Variants in TRIM37 observed in about 807,000 individuals in gnomAD.
TRIM37 encodes E3 ubiquitin-protein ligase TRIM37.
Under a neutral mutation model 129.8 loss-of-function variants are expected in TRIM37, and 80 were observed. The ratio of observed to expected loss-of-function variants is 0.62; its 90% CI spans 0.51 to 0.74. The LOEUF (loss-of-function observed/expected upper bound fraction) is 0.74. Among genes scored for constraint, TRIM37 ranks in the 30% least tolerant of loss-of-function variants. The pLI is 0.00. For missense variants in TRIM37, 1,054 were observed against 1,176.5 expected, an observed-to-expected ratio of 0.90 and a Z score of 1.52; for synonymous variants, 389 against 387.1, an observed-to-expected ratio of 1.00 and a Z score of -0.06.
At chr17:59,011,378 G>A (rs964166566) in intron 22 of TRIM37, among the ~76,000 whole-genome samples, 4 of 152,130 alleles carry the variant, frequency 2.6e-5, no homozygotes, top group Admixed American at 2.6e-4. Context: ...TTCTTTAACT[G>A]AGAAACCTGA....
intron 9 of TRIM37, among the ~76,000 whole-genome samples, chr17:59,065,406 A>G (rs956360886): frequency 6.6e-6 from 1 of 152,208 alleles, no homozygotes; most frequent in African/African-American, 2.4e-5. Flanking sequence ...CTAAGGGGCA[A>G]CTGTGATGGA....
At chr17:59,090,388 C>A (rs551024712) in intron 3 of TRIM37, among the ~76,000 whole-genome samples, 2 of 152,008 alleles carry the variant, frequency 1.3e-5, no homozygotes, top group African/African-American at 4.8e-5. Flanking sequence ...GAATCACATA[C>A]GCATATATAT....
At chr17:59,052,903 C>T (rs967593077) in intron 13 of TRIM37, among the ~76,000 whole-genome samples, 3 of 151,974 alleles carry the variant, frequency 2.0e-5, no homozygotes, top group African/African-American at 7.3e-5. Context: ...GGCAGTGAGC[C>T]GAGATCGCAC....
At chr17:59,012,248 C>G (rs1373781064) in intron 22 of TRIM37, 80 bp downstream of exon 22, 27 of 921,538 alleles carry the variant, frequency 2.9e-5, no homozygotes, top group Non-Finnish European at 3.7e-5. Context: ...ACCACCACCA[C>G]CACCACCACC....
At chr17:59,044,458 A>T (rs949361633) in intron 16 of TRIM37, among the ~76,000 whole-genome samples, 2 of 152,150 alleles carry the variant, frequency 1.3e-5, no homozygotes, top group African/African-American at 4.8e-5. Context: ...GCTACTCAGG[A>T]GGCTGAGGCA....
At chr17:59,067,940 C>T (rs753354762) in intron 9 of TRIM37, among the ~76,000 whole-genome samples, 5 of 152,196 alleles carry the variant, frequency 3.3e-5, no homozygotes, top group African/African-American at 4.8e-5. Flanking sequence ...ACCTTTTCTT[C>T]TCCATTGTGG....
chr17:59,082,020 A>G (rs1437407482), intron 5 of TRIM37, among the ~76,000 whole-genome samples: 3 of 150,998 alleles, frequency 2.0e-5, no homozygotes, highest in African/African-American at 7.3e-5. Flanking sequence ...CTGTAATCCT[A>G]GCACTGTGGG....
chr17:59,041,945 C>A, intron 16 of TRIM37, 47 bp from the exon 17 acceptor site: 1 of 1,421,676 alleles, frequency 7.0e-7, no homozygotes. Context: ...ATACAATAAA[C>A]GTTGTTTTTC....
chr17:59,048,347 C>T (rs79345617), intron 15 of TRIM37, among the ~76,000 whole-genome samples: 5,359 of 152,224 alleles, frequency 0.035, 102 homozygotes, highest in Non-Finnish European at 0.049. Context: ...TGCATTCTCT[C>T]GACCCACTGG....
At chr17:59,047,163 G>GA (rs776978529) in intron 16 of TRIM37, among the ~76,000 whole-genome samples, 34 of 137,242 alleles carry the variant, frequency 2.5e-4, no homozygotes, top group South Asian at 4.6e-4. Context: ...AAAAAAAAAG[G>GA]AAAAAAAAAA....
chr17:59,071,433 G>C (rs1243930934), intron 8 of TRIM37, among the ~76,000 whole-genome samples: 1 of 151,832 alleles, frequency 6.6e-6, no homozygotes. Context: ...TTACAGGTGG[G>C]TGCCACCATA....
chr17:58,978,087 T>C (rs1476404757), downstream of TRIM37, among the ~76,000 whole-genome samples: 2 of 152,296 alleles, frequency 1.3e-5, no homozygotes, highest in African/African-American at 4.8e-5. Flanking sequence ...AATGAATATA[T>C]AGTCAGATTA....
At chr17:59,092,347 C>A (rs975732823) in intron 2 of TRIM37, among the ~76,000 whole-genome samples, 8 of 150,280 alleles carry the variant, frequency 5.3e-5, no homozygotes, top group African/African-American at 2.0e-4. Flanking sequence ...TGCAGTGAGC[C>A]GAGATCCTGC....
intron 12 of TRIM37, 64 bp from the exon 13 acceptor site, chr17:59,057,118 C>CTA: frequency 7.0e-7 from 1 of 1,435,784 alleles, no homozygotes; most frequent in Admixed American, 1.7e-5. Context: ...ACAAACTCAT[C>CTA]TAAACATTAA....
chr17:59,047,879 C>A, intron 15 of TRIM37, 60 bp from the exon 16 acceptor site: 1 of 1,585,950 alleles, frequency 6.3e-7, no homozygotes, highest in East Asian at 2.2e-5. Context: ...AGTTGATCAC[C>A]CCATCCAGCC....
At chr17:58,994,959 G>C (rs1380596181), downstream of TRIM37, among the ~76,000 whole-genome samples, 1 of 152,060 alleles carries the variant, frequency 6.6e-6, no homozygotes, top group Admixed American at 6.6e-5. Context: ...ATGTTGGTCA[G>C]GTTGGTCTCG....
At chr17:59,016,804 G>T (rs2036000467) in intron 20 of TRIM37, among the ~76,000 whole-genome samples, 1 of 151,754 alleles carries the variant, frequency 6.6e-6, no homozygotes, top group Non-Finnish European at 1.5e-5. Flanking sequence ...CAAAAATAAA[G>T]AATAAATAAA....
chr17:59,027,148 T>C (rs895199619), intron 19 of TRIM37, among the ~76,000 whole-genome samples: 2 of 152,184 alleles, frequency 1.3e-5, no homozygotes, highest in African/African-American at 4.8e-5. Flanking sequence ...TTGTGTACCA[T>C]TCACGTGTCT....
Position 59,081,219 on chromosome 17 carries a change from G to T in TRIM37, c.370C>A (p.His124Asn). Reference protein sequence around the residue: ...CHQCALWGGMHGGHTFKPLAE... With the variant: ...CHQCALWGGMNGGHTFKPLAE... The stretch of plus-strand genomic sequence containing the variant: ...AAAGGTTTAAAGGTATGTCCGCCAT[G>T]CTATTTAAATTAGAGTAGCTTTAGA... The change falls in exon 6 of 24, where the codon CAT (histidine) becomes AAT (asparagine). Residue 124 changes from histidine to asparagine, a missense_variant and splice_region_variant. By Grantham distance (68) the His-to-Asn change is moderately conservative (BLOSUM62 1). Around this residue, in one of 3 missense-constraint regions of TRIM37, gnomAD observed 752 missense variants for 870.8 expected, o/e 0.86. Coordinates refer to ENST00000262294, the MANE Select transcript of TRIM37 (RefSeq NM_015294.6). 5 of 1,613,172 alleles carry T rather than the reference G, an allele frequency of 3.1e-6. No individual in the cohort carries two copies. Among genetic ancestry groups the T allele is most frequent in the Non-Finnish European group, 4.2e-6 (5 of 1,179,544 alleles).
Sources: allele counts gnomAD v4.1 joint callset (sites outside exome capture counted in the v4.1 genomes callset), GRCh38; gene constraint gnomAD v4.1.1; regional missense constraint gnomAD v4.1.1; transcripts MANE v1.5; gene names NCBI Gene and HGNC (gene_info 2026-07-23, HGNC 2026-07-21).